CSMD1: variants seen among roughly 807,000 people sequenced by gnomAD.
CSMD1 encodes CUB and sushi domain-containing protein 1.
Under a neutral mutation model 417.5 loss-of-function variants are expected in CSMD1, and 213 were observed. The ratio of observed to expected loss-of-function variants is 0.51; its 90% CI spans 0.46 to 0.57. The LOEUF is 0.57. Ranked by LOEUF, CSMD1 falls within the 20% of genes least tolerant of loss-of-function variation. The probability of loss-of-function intolerance (pLI) is 0.00; values close to 1 mark genes in which losing one functional copy is unlikely to be tolerated. For missense variants in CSMD1, 6,923 were observed against 4,529.7 expected, an observed-to-expected ratio of 1.53 and a Z score of -15.17; for synonymous variants, 2,862 against 1,736.8, an observed-to-expected ratio of 1.65 and a Z score of -16.11.
chr8:3,747,813 T>C (rs1014941093), intron 6 of CSMD1, among the ~76,000 whole-genome samples: 2 of 152,170 alleles, frequency 1.3e-5, no homozygotes, highest in African/African-American at 2.4e-5. Flanking sequence ...TTTTGTTCTT[T>C]ATGTTTTAAA....
At chr8:3,405,612 GA>G (rs200510777) in intron 15 of CSMD1, among the ~76,000 whole-genome samples, 1 of 240 alleles carries the variant, frequency 4.2e-3, no homozygotes, top group Admixed American at 0.062. Context: ...GTTGCTGGAA[GA>G]AGGGGACCCC....
At chr8:3,812,860 G>A (rs1434931365) in intron 5 of CSMD1, among the ~76,000 whole-genome samples, 1 of 152,118 alleles carries the variant, frequency 6.6e-6, no homozygotes, top group East Asian at 1.9e-4. Flanking sequence ...TCCTGAATTG[G>A]CCAACGAGGA....
chr8:4,824,786 G>A (rs755326281), intron 1 of CSMD1, among the ~76,000 whole-genome samples: 1 of 152,120 alleles, frequency 6.6e-6, no homozygotes, highest in South Asian at 2.1e-4. Context: ...GTAATAATTA[G>A]TATTTTAATG....
Position 2,937,311 on chromosome 8 carries a change from A to G in CSMD1, c.*1274T>C, listed in dbSNP as rs1801548422. The G allele has an allele frequency of 6.6e-6, 1 of 152,160 alleles. No individual in the cohort carries two copies. Among genetic ancestry groups the G allele is most frequent in the African/African-American group, 2.4e-5 (1 of 41,432 alleles). 9.4% of individuals were successfully genotyped at this position (152,160 alleles called of 1,614,324 possible). On this transcript the variant is annotated 3_prime_UTR_variant, in exon 70 of 70. Transcript: ENST00000635120. ...ATCATTGTGAGAGGAGAGTGTGTGT[A>G]CTTTTTCCTTCCCTCTAAAAGAACA...
At chr8:4,627,283 C>T (rs753727343) in intron 2 of CSMD1, among the ~76,000 whole-genome samples, 2 of 152,050 alleles carry the variant, frequency 1.3e-5, no homozygotes, top group African/African-American at 4.8e-5. Context: ...AAATCTTAAA[C>T]AGAAAAAAGT....
Position 3,110,299 on chromosome 8 carries a change from G to C in CSMD1, c.6467C>G (p.Thr2156Ser), listed in dbSNP as rs1816422113. The change falls in exon 43 of 70, where the codon ACC becomes AGC. Residue 2156 changes from threonine (T) to serine (S), a missense_variant. Thr to Ser is a moderately conservative substitution (Grantham distance 58, BLOSUM62 1). Coordinates refer to ENST00000635120, the MANE Select transcript of CSMD1 (RefSeq NM_033225.6). ...CGYNVTSQNGTIYSPGFPDEY... is the reference protein window; with the variant it reads ...CGYNVTSQNGSIYSPGFPDEY... ...ATCAGGAAAGCCAGGGGAGTAGATG[G>C]TGCCGTTCTGAGAAGTTACGTTGTA... 2 of 1,613,152 alleles carry C rather than the reference G, an allele frequency of 1.2e-6. No homozygotes were observed. The highest frequency in any genetic ancestry group is 1.3e-5 in the African/African-American group (1 of 75,032).
At chr8:4,668,399 T>G (rs73510911) in intron 1 of CSMD1, among the ~76,000 whole-genome samples, 19,153 of 148,714 alleles carry the variant, frequency 0.13, 2,381 homozygotes, top group African/African-American at 0.33. Flanking sequence ...CACTCTAACT[T>G]GCTTTTGATG....
At chr8:3,882,687 A>G (rs1806286145) in intron 5 of CSMD1, among the ~76,000 whole-genome samples, 1 of 152,220 alleles carries the variant, frequency 6.6e-6, no homozygotes, top group African/African-American at 2.4e-5. Flanking sequence ...AAAATACTAC[A>G]CAGCAATGAA....
chr8:3,614,767 A>G (rs879894756), intron 8 of CSMD1, among the ~76,000 whole-genome samples: 32 of 152,328 alleles, frequency 2.1e-4, no homozygotes, highest in Admixed American at 9.2e-4. Flanking sequence ...TCTTTGTGCC[A>G]CGCACAGTTT....
intron 8 of CSMD1, among the ~76,000 whole-genome samples, chr8:3,599,970 A>G (rs1288488545): frequency 6.6e-6 from 1 of 152,182 alleles, no homozygotes; most frequent in Non-Finnish European, 1.5e-5. Context: ...CAATTCATTG[A>G]TGGCAAGCTC....
At chr8:3,655,394 G>C (rs144631660) in intron 7 of CSMD1, among the ~76,000 whole-genome samples, 1 of 152,268 alleles carries the variant, frequency 6.6e-6, no homozygotes, top group East Asian at 1.9e-4. Flanking sequence ...TATTACTCTA[G>C]TCACAGTAAC....
chr8:3,140,557 C>T (rs1445065448), intron 41 of CSMD1, among the ~76,000 whole-genome samples: 1 of 152,128 alleles, frequency 6.6e-6, no homozygotes, highest in African/African-American at 2.4e-5. Flanking sequence ...TCCAGTTTAA[C>T]AGACCTCAAT....
chr8:4,904,790 G>C (rs531576056), intron 1 of CSMD1, among the ~76,000 whole-genome samples: 1 of 151,942 alleles, frequency 6.6e-6, no homozygotes, highest in South Asian at 2.1e-4. Context: ...AGTTATTTTG[G>C]ACAGTTATAA....
intron 25 of CSMD1, among the ~76,000 whole-genome samples, chr8:3,301,705 C>A (rs955261286): frequency 6.6e-6 from 1 of 152,088 alleles, no homozygotes; most frequent in Admixed American, 6.6e-5. Context: ...ACCTGGAAAG[C>A]CGCACTAAGC....
chr8:4,675,129 C>G (rs1157722710), intron 1 of CSMD1, among the ~76,000 whole-genome samples: 2 of 152,214 alleles, frequency 1.3e-5, no homozygotes, highest in Non-Finnish European at 2.9e-5. Context: ...GCAGCCTGAG[C>G]TGACTAACAC....
At chr8:3,155,006 A>C (rs978465454) in intron 39 of CSMD1, among the ~76,000 whole-genome samples, 1 of 152,166 alleles carries the variant, frequency 6.6e-6, no homozygotes, top group African/African-American at 2.4e-5. Context: ...CAATGAAAAA[A>C]CTTGTATACC....
rs189029871 is a variant in CSMD1, at chr8:4,277,264, G to C, written c.415+142689C>G. On this transcript the variant is annotated intron_variant, in intron 3 of 69. Coordinates refer to ENST00000635120, the MANE Select transcript of CSMD1 (RefSeq NM_033225.6). ...CTGTTAATCTTTAAGAATTTCTTATGAAGTTGGGTTGTATTCTGAATAAAT... is the reference window on the plus strand; with the variant it reads ...CTGTTAATCTTTAAGAATTTCTTATCAAGTTGGGTTGTATTCTGAATAAAT... Among the ~76,000 whole-genome samples, 30 of 151,928 alleles carry C rather than the reference G, an allele frequency of 2.0e-4. No individual in the cohort carries two copies. In the East Asian group the frequency reaches 5.6e-3, roughly 28 times the overall value.
chr8:3,557,699 TA>T (rs1180409373), intron 10 of CSMD1, among the ~76,000 whole-genome samples: 1 of 152,162 alleles, frequency 6.6e-6, no homozygotes, highest in Non-Finnish European at 1.5e-5. Flanking sequence ...CTCTCCACAG[TA>T]AAACACATCA....
At chr8:2,948,265 G>T (rs149532223) in intron 68 of CSMD1, among the ~76,000 whole-genome samples, 2 of 151,902 alleles carry the variant, frequency 1.3e-5, no homozygotes, top group Non-Finnish European at 2.9e-5. Flanking sequence ...TCTCAATCTC[G>T]TAACAACCTT....
Sources: gnomAD v4.1 joint callset for allele counts (sites outside exome capture counted in the v4.1 genomes callset) on GRCh38, gnomAD v4.1.1 for gene constraint, MANE v1.5 for transcripts, NCBI Gene and HGNC (gene_info 2026-07-23, HGNC 2026-07-21) for gene names.